IMMP2L: variants seen among roughly 807,000 people sequenced by gnomAD.
The protein encoded by IMMP2L is mitochondrial inner membrane protease subunit 2.
IMMP2L carries 18 observed loss-of-function variants against 19.3 expected under a neutral mutation model. The ratio of observed to expected loss-of-function variants is 0.93; its 90% CI spans 0.64 to 1.38. The LOEUF (loss-of-function observed/expected upper bound fraction) is 1.38. Ranked by LOEUF, IMMP2L falls within the 40% of genes most tolerant of loss-of-function variation. IMMP2L has a pLI of 0.00. For missense variants in IMMP2L, 233 were observed against 218.2 expected, an observed-to-expected ratio of 1.07 and a Z score of -0.43; for synonymous variants, 76 against 73.0, an observed-to-expected ratio of 1.04 and a Z score of -0.21.
intron 5 of IMMP2L, among the ~76,000 whole-genome samples, chr7:110,706,006 A>C (rs1794652939): frequency 6.6e-6 from 1 of 152,124 alleles, no homozygotes; most frequent in South Asian, 2.1e-4. Context: ...GCTATTGTGA[A>C]TAGCACTGTG....
At chr7:110,705,151 G>C (rs573220953) in intron 5 of IMMP2L, among the ~76,000 whole-genome samples, 2 of 152,196 alleles carry the variant, frequency 1.3e-5, no homozygotes, top group African/African-American at 4.8e-5. Flanking sequence ...ACTAAGAAGA[G>C]AGTTTAAAAT....
At chr7:110,869,752 CT>C (rs983828273) in intron 5 of IMMP2L, among the ~76,000 whole-genome samples, 6 of 152,070 alleles carry the variant, frequency 3.9e-5, no homozygotes, top group African/African-American at 1.4e-4. Flanking sequence ...GGAAACAGTG[CT>C]ATAACATTTT....
At chr7:110,945,068 C>T (rs968994497) in intron 4 of IMMP2L, among the ~76,000 whole-genome samples, 3 of 151,802 alleles carry the variant, frequency 2.0e-5, no homozygotes, top group African/African-American at 7.2e-5. Flanking sequence ...AAGGAAGGTG[C>T]TTTCTACAAA....
At chr7:110,839,503 T>C (rs1340636215) in intron 5 of IMMP2L, among the ~76,000 whole-genome samples, 2 of 152,068 alleles carry the variant, frequency 1.3e-5, no homozygotes, top group Non-Finnish European at 2.9e-5. Flanking sequence ...CCTTAACAAC[T>C]GCCTCCTCCT....
At chr7:111,370,194 G>A (rs941293620) in intron 3 of IMMP2L, among the ~76,000 whole-genome samples, 3 of 151,958 alleles carry the variant, frequency 2.0e-5, no homozygotes, top group Non-Finnish European at 4.4e-5. Context: ...GCCTAGTTCT[G>A]CTGCTCTTAA....
rs999435080 is a variant in IMMP2L at position 111,011,844 on chromosome 7, T to C, written c.240-48279A>G. 6.6e-5 allele frequency among the ~76,000 whole-genome samples: 10 copies of C among 152,284 alleles called. No homozygotes were observed. In the South Asian group the frequency reaches 1.0e-3, roughly 16 times the overall value. On this transcript the variant is annotated intron_variant, in intron 3 of 5. Transcript: ENST00000405709. ...GCCTTGGGTGGGGAAGGGTATGCCC[T>C]AAGCTAGAAATTGCTATGGCTCTGG...
chr7:111,305,655 T>C (rs1822788860), intron 3 of IMMP2L, among the ~76,000 whole-genome samples: 1 of 152,194 alleles, frequency 6.6e-6, no homozygotes, highest in African/African-American at 2.4e-5. Context: ...TATATATCAG[T>C]AATACCAGAT....
intron 3 of IMMP2L, chr7:111,124,932 C>CAAAAAAAAAAAAAAAA: frequency 1.1e-6 from 1 of 888,504 alleles, no homozygotes. Flanking sequence ...CAAAAATGAA[C>CAAAAAAAAAAAAAAAA]AAAAAAAAAA....
At chr7:110,995,899 A>G (rs905874918) in intron 3 of IMMP2L, among the ~76,000 whole-genome samples, 2 of 152,292 alleles carry the variant, frequency 1.3e-5, no homozygotes, top group Admixed American at 6.5e-5. Context: ...GACATTATCA[A>G]CAAATCCTTT....
intron 3 of IMMP2L, among the ~76,000 whole-genome samples, chr7:111,368,808 A>G (rs556922214): frequency 7.4e-4 from 113 of 152,030 alleles, no homozygotes; most frequent in African/African-American, 2.3e-3. Flanking sequence ...TTCTTTTCCA[A>G]TGGTTTAGTA....
chr7:111,009,077 G>C (rs2129562925), intron 3 of IMMP2L, among the ~76,000 whole-genome samples: 1 of 152,122 alleles, frequency 6.6e-6, no homozygotes, highest in East Asian at 1.9e-4. Flanking sequence ...TTTGGGGGCT[G>C]TTCTATTAAT....
intron 3 of IMMP2L, among the ~76,000 whole-genome samples, chr7:111,401,105 G>C (rs1188790281): frequency 6.6e-6 from 1 of 152,086 alleles, no homozygotes; most frequent in East Asian, 1.9e-4. Context: ...GAATTTGAGA[G>C]CATGTGGTGA....
At chr7:111,402,991 AC>A (rs781654530) in intron 3 of IMMP2L, among the ~76,000 whole-genome samples, 1,062 of 45,520 alleles carry the variant, frequency 0.023, 53 homozygotes, top group African/African-American at 0.067. Context: ...TGCAGCCTTG[AC>A]CCCCCCCCCC....
chr7:111,120,080 G>C (rs145918599), intron 3 of IMMP2L, among the ~76,000 whole-genome samples: 2 of 152,078 alleles, frequency 1.3e-5, no homozygotes, highest in Non-Finnish European at 2.9e-5. Flanking sequence ...AATGGCAGAC[G>C]GTGAGGTAAA....
At chr7:110,720,809 C>T (rs977511818) in intron 5 of IMMP2L, among the ~76,000 whole-genome samples, 1 of 152,072 alleles carries the variant, frequency 6.6e-6, no homozygotes, top group Non-Finnish European at 1.5e-5. Context: ...CAAGGAAACA[C>T]TTTGGGATTC....
chr7:111,373,925 T>A (rs1026226247), intron 3 of IMMP2L, among the ~76,000 whole-genome samples: 2 of 152,010 alleles, frequency 1.3e-5, no homozygotes, highest in African/African-American at 4.8e-5. Context: ...CTATTTTGAA[T>A]CAAATCGAAG....
chr7:110,902,272 T>C (rs2129547337), intron 4 of IMMP2L, among the ~76,000 whole-genome samples: 1 of 151,800 alleles, frequency 6.6e-6, no homozygotes, highest in African/African-American at 2.4e-5. Context: ...ATTAACAGCC[T>C]ACTATTAATT....
chr7:111,018,868 T>C (rs1301662325), intron 3 of IMMP2L, among the ~76,000 whole-genome samples: 2 of 150,464 alleles, frequency 1.3e-5, no homozygotes, highest in African/African-American at 4.9e-5. Context: ...TGAATACTCA[T>C]TTCACAATGG....
intron 3 of IMMP2L, among the ~76,000 whole-genome samples, chr7:111,385,027 C>T (rs1396800490): frequency 6.6e-6 from 1 of 152,088 alleles, no homozygotes; most frequent in African/African-American, 2.4e-5. Context: ...CAATAATGAA[C>T]AAATGCCTAT....
Sources: allele counts gnomAD v4.1 joint callset (sites outside exome capture counted in the v4.1 genomes callset), GRCh38; gene constraint gnomAD v4.1.1; transcripts MANE v1.5; gene names NCBI Gene and HGNC (gene_info 2026-07-23, HGNC 2026-07-21).